Variants in AGPAT3 observed in about 807,000 individuals in gnomAD.
The protein encoded by AGPAT3 is 1-acylglycerol-3-phosphate O-acyltransferase 3, also known as 1-acyl-sn-glycerol-3-phosphate acyltransferase gamma.
AGPAT3 carries 5 observed loss-of-function variants against 47.3 expected under a neutral mutation model. The observed-to-expected ratio is 0.11, with a 90% CI of 0.06 to 0.22. AGPAT3 has a LOEUF of 0.22. Among genes scored for constraint, AGPAT3 ranks in the 10% least tolerant of loss-of-function variants. AGPAT3 has a pLI of 1.00. For missense variants in AGPAT3, 315 were observed against 493.0 expected (o/e 0.64, Z 3.42); for synonymous variants, 212 against 208.3 (o/e 1.02, Z -0.15).
At chr21:43,874,617 G>T (rs191490990) in intron 1 of AGPAT3, among the ~76,000 whole-genome samples, 4 of 152,106 alleles carry the variant, frequency 2.6e-5, no homozygotes, top group Non-Finnish European at 4.4e-5. Flanking sequence ...ATAAAGTTGC[G>T]GTTAGGAAGC....
intron 3 of AGPAT3, chr21:43,967,671 G>C (rs180749705): frequency 2.4e-6 from 1 of 411,418 alleles, no homozygotes. Flanking sequence ...CAAGGTGCAC[G>C]TGAGAAGCGT....
At chr21:43,915,824 T>G (rs1337599228) in intron 2 of AGPAT3, among the ~76,000 whole-genome samples, 1 of 152,222 alleles carries the variant, frequency 6.6e-6, no homozygotes, top group Non-Finnish European at 1.5e-5. Context: ...TTATATTTAT[T>G]AATTCCTTCA....
intron 2 of AGPAT3, among the ~76,000 whole-genome samples, chr21:43,949,004 G>A (rs4818873): frequency 0.71 from 107,814 of 151,998 alleles, 39,491 homozygotes; most frequent in South Asian, 0.84. Context: ...GTACTGTGCT[G>A]TTTTAATTAT....
chr21:43,912,805 A>G (rs933592366), intron 2 of AGPAT3, among the ~76,000 whole-genome samples: 8 of 152,142 alleles, frequency 5.3e-5, no homozygotes, highest in African/African-American at 1.9e-4. Flanking sequence ...TCAGTTTGCA[A>G]ATGTTATTTA....
At chr21:43,962,442 A>G (rs2088920341) in intron 3 of AGPAT3, among the ~76,000 whole-genome samples, 1 of 152,216 alleles carries the variant, frequency 6.6e-6, no homozygotes, top group African/African-American at 2.4e-5. Context: ...AAGGGCAAAT[A>G]TTAACTGATG....
intron 2 of AGPAT3, among the ~76,000 whole-genome samples, chr21:43,911,254 C>T (rs1404669450): frequency 2.0e-5 from 3 of 152,234 alleles, no homozygotes; most frequent in Non-Finnish European, 4.4e-5. Flanking sequence ...TGTAGGCACA[C>T]ACACACATGT....
At chr21:43,919,745 T>A (rs1246883283) in intron 2 of AGPAT3, 2 of 152,246 alleles carry the variant, frequency 1.3e-5, no homozygotes, top group African/African-American at 4.8e-5. Context: ...TAGTTTACAT[T>A]CCCACCAGCA....
At chr21:43,957,607 G>A (rs1300611703) in intron 2 of AGPAT3, among the ~76,000 whole-genome samples, 2 of 145,822 alleles carry the variant, frequency 1.4e-5, no homozygotes, top group Admixed American at 6.8e-5. Context: ...CCCTCCACGC[G>A]GGGGTCTCGG....
rs546909606 is a variant in AGPAT3, at chr21:43,943,915, G to A, written c.-48-15719G>A. On this transcript the variant is annotated intron_variant, in intron 2 of 9. Transcript: ENST00000291572. ...GTTCCGCCGCCTAAACCACTTTCCC[G>A]CCGCATCTTTCACCTGGAGTGGAGG... 2.6e-4 allele frequency among the ~76,000 whole-genome samples: 39 copies of A among 152,332 alleles called. 1 individual carries two copies. The East Asian group carries it at 6.8e-3, about 26-fold the overall frequency.
intron 2 of AGPAT3, among the ~76,000 whole-genome samples, chr21:43,917,761 C>T (rs777004666): frequency 2.0e-5 from 3 of 147,844 alleles, no homozygotes; most frequent in Admixed American, 6.8e-5. Flanking sequence ...TCTTCCCCGG[C>T]AGAACTGTGT....
rs552637013 is a variant in AGPAT3 at position 43,922,752 on chromosome 21, G to C, written c.-49+18733G>C. Among the ~76,000 whole-genome samples the C allele has an allele frequency of 6.6e-6, 1 of 152,144 alleles. No homozygotes were observed. The highest frequency in any genetic ancestry group is 2.1e-4 in the South Asian group (1 of 4,816). On this transcript the variant is annotated intron_variant, in intron 2 of 9. Coordinates refer to ENST00000291572, the MANE Select transcript of AGPAT3 (RefSeq NM_020132.5). This position sits in a 1 kb window ranked among gnomAD's most constrained non-coding sequence, Gnocchi z 4.9. ...CAGGCAGGGCACTCCGTCAGTGTAG[G>C]GTCTCCCAGCACAGGGGCTGTGGCT...
chr21:43,943,299 C>T (rs2087732397), intron 2 of AGPAT3, among the ~76,000 whole-genome samples: 1 of 152,212 alleles, frequency 6.6e-6, no homozygotes, highest in South Asian at 2.1e-4. Context: ...TGATCTCGAT[C>T]TCCTGACCTC....
rs1485606001 is a variant in AGPAT3, at chr21:43,930,185, G to A, written c.-49+26166G>A. On this transcript the variant is annotated intron_variant, in intron 2 of 9. Transcript: ENST00000291572. The surrounding 1 kb of genome is among the most constrained non-coding windows in gnomAD (Gnocchi z 5.0). ...GGAGAGTCTAAGGCAGAGAGAAGTT[G>A]GGTTCCCCTTCCACGGTTCCCTGCC... Among the ~76,000 whole-genome samples the A allele has an allele frequency of 6.6e-6, 1 of 152,210 alleles. No individual in the cohort carries two copies. The highest frequency in any genetic ancestry group is 1.5e-5 in the Non-Finnish European group (1 of 68,030).
chr21:43,931,156 G>A (rs955848959), intron 2 of AGPAT3, among the ~76,000 whole-genome samples: 4 of 152,198 alleles, frequency 2.6e-5, no homozygotes, highest in African/African-American at 9.6e-5. Flanking sequence ...GAGTGTCAGT[G>A]AGGGAAACAG....
At position 43,970,298 on chromosome 21, in the gene AGPAT3, G is replaced by A. The variant is rs193254114; in HGVS notation, c.511-355G>A. Among the ~76,000 whole-genome samples, 299 of 152,254 alleles carry A rather than the reference G, an allele frequency of 2.0e-3. 4 individuals are homozygous for A. The highest frequency in any genetic ancestry group is 0.015 in the Admixed American group (228 of 15,298). On this transcript the variant is annotated intron_variant, in intron 5 of 9. Transcript: ENST00000291572. The surrounding 1 kb of genome is among the most constrained non-coding windows in gnomAD (Gnocchi z 5.8). Reference sequence around the variant, plus strand: ...TGGGATTACAGGGGTGAGCCACCACGCCCGGCCTGCTGTTAACATTTCTAA... The same window carrying A: ...TGGGATTACAGGGGTGAGCCACCACACCCGGCCTGCTGTTAACATTTCTAA...
At chr21:43,937,042 A>G (rs2087472176) in intron 2 of AGPAT3, among the ~76,000 whole-genome samples, 2 of 152,186 alleles carry the variant, frequency 1.3e-5, no homozygotes, top group African/African-American at 4.8e-5. Flanking sequence ...TTCTCCATTC[A>G]CGTACTGTTC....
intron 2 of AGPAT3, among the ~76,000 whole-genome samples, chr21:43,945,592 G>C (rs1456700805): frequency 6.6e-6 from 1 of 151,914 alleles, no homozygotes; most frequent in Non-Finnish European, 1.5e-5. Context: ...TCCCCGCAGA[G>C]AGCCCCCTTT....
Position 43,932,719 on chromosome 21 carries a change from C to T in AGPAT3, c.-48-26915C>T, listed in dbSNP as rs144424016. Among the ~76,000 whole-genome samples the T allele has an allele frequency of 1.6e-3, 239 of 152,344 alleles. 1 individual carries two copies. In the East Asian group the frequency reaches 0.03, roughly 19 times the overall value. ...AGGCTGGAGTGCGATGGCACGGTCT[C>T]GGCTCACTGCAAGCTCCGCCTCTTG... is the stretch of plus-strand genomic sequence containing the variant. On this transcript the variant is annotated intron_variant, in intron 2 of 9. Transcript: ENST00000291572. This position sits in a 1 kb window ranked among gnomAD's most constrained non-coding sequence, Gnocchi z 5.2.
At chr21:43,936,879 G>A (rs771353665) in intron 2 of AGPAT3, among the ~76,000 whole-genome samples, 5 of 152,194 alleles carry the variant, frequency 3.3e-5, no homozygotes, top group Non-Finnish European at 5.9e-5. Flanking sequence ...CTGTTTCCTT[G>A]CCCTAAAATT....
Sources: gnomAD v4.1 joint callset for allele counts (sites outside exome capture counted in the v4.1 genomes callset) on GRCh38, gnomAD v4.1.1 for gene constraint, Gnocchi (gnomAD v3.1) non-coding constraint, MANE v1.5 for transcripts, NCBI Gene and HGNC (gene_info 2026-07-23, HGNC 2026-07-21) for gene names.